CAMLG: variants seen among roughly 807,000 people sequenced by gnomAD.
CAMLG encodes calcium modulating ligand, also known as guided entry of tail-anchored proteins factor CAMLG.
Under a neutral mutation model 28.9 loss-of-function variants are expected in CAMLG, and 23 were observed. The ratio of observed to expected loss-of-function variants is 0.80; its 90% confidence interval spans 0.57 to 1.13. CAMLG has a LOEUF of 1.13. CAMLG is among the 50% of genes most tolerant of loss of function. CAMLG has a pLI of 0.00. For missense variants in CAMLG, 367 were observed against 371.9 expected (o/e 0.99, Z 0.11); for synonymous variants, 141 against 146.5 (o/e 0.96, Z 0.27).
chr5:134,741,524 G>A lies in CAMLG; in HGVS notation c.633+1G>A, dbSNP rs1335043728. ...CAGAGCTTTTGTTTGCAAATACTTG[G>A]TAAGAAAAGATCTGTAAATTATTAA... On this transcript the variant is annotated splice_donor_variant, in intron 2 of 3. Transcript: ENST00000297156. LOFTEE classifies it high-confidence loss of function. The A allele has an allele frequency of 6.4e-7, 1 of 1,570,264 alleles. No homozygotes were observed.
chr5:134,739,634 C>T (rs1752959950), intron 1 of CAMLG, among the ~76,000 whole-genome samples: 2 of 152,160 alleles, frequency 1.3e-5, no homozygotes, highest in African/African-American at 4.8e-5. Context: ...TAGTAATTGG[C>T]CTTTAGTCAC....
Position 134,738,792 on chromosome 5 carries a change from G to A in CAMLG, c.172G>A (p.Glu58Lys), listed in dbSNP as rs1483781908. 21 of 1,613,914 alleles carry A rather than the reference G, an allele frequency of 1.3e-5. No homozygotes were observed. The highest frequency in any genetic ancestry group is 2.2e-5 in the South Asian group (2 of 91,070). Residue 58 changes from glutamate (E) to lysine (K), a missense_variant and splice_region_variant, in exon 1 of 4, where the codon GAA becomes AAA. Physicochemically the swap from Glu to Lys is moderately conservative, Grantham distance 56 (BLOSUM62 1). Coordinates refer to ENST00000297156, the MANE Select transcript of CAMLG (RefSeq NM_001745.4). Reference protein sequence around the residue: ...MGFHRPGSGAEEESQTKSKQQ... With the variant: ...MGFHRPGSGAKEESQTKSKQQ... ...CTTTCACAGGCCCGGGAGCGGCGCG[G>A]GTAAGAGCCTCGATTTCCCCTCAGT...
At chr5:134,746,137 CAAAAAAAAAAAA>C (rs1156938843) in intron 3 of CAMLG, among the ~76,000 whole-genome samples, 1 of 77,136 alleles carries the variant, frequency 1.3e-5, no homozygotes, top group Non-Finnish European at 2.4e-5. Context: ...AACTCCATCT[CAAAAAAAAAAAA>C]AAAAAAAAAT....
At chr5:134,745,842 T>TA (rs1031251257) in intron 3 of CAMLG, among the ~76,000 whole-genome samples, 164 of 141,410 alleles carry the variant, frequency 1.2e-3, no homozygotes, top group African/African-American at 2.2e-3. Context: ...GTGACTACAT[T>TA]AAAAAAAAAA....
chr5:134,749,162 G>T (rs568492853), intron 3 of CAMLG, among the ~76,000 whole-genome samples: 2 of 151,604 alleles, frequency 1.3e-5, no homozygotes, highest in East Asian at 3.9e-4. Flanking sequence ...CTGCCTCCCA[G>T]ATTCAAGCAA....
intron 3 of CAMLG, among the ~76,000 whole-genome samples, chr5:134,745,329 G>C (rs901764404): frequency 6.6e-6 from 1 of 151,814 alleles, no homozygotes; most frequent in Non-Finnish European, 1.5e-5. Context: ...CCAGCTACTC[G>C]GGAGGCTGAG....
chr5:134,742,390 G>A (rs1752995748), intron 2 of CAMLG, among the ~76,000 whole-genome samples: 1 of 152,158 alleles, frequency 6.6e-6, no homozygotes, highest in Non-Finnish European at 1.5e-5. Flanking sequence ...AACCCTGGCA[G>A]TTTCAGTCCT....
rs1300627106 is a variant in CAMLG, at chr5:134,741,389, A to AT, written c.499_500insT (p.Lys167IlefsTer5). 1 of 1,614,064 alleles carries AT rather than the reference A, an allele frequency of 6.2e-7. No homozygotes were observed. Among genetic ancestry groups the AT allele is most frequent in the African/African-American group, 1.3e-5 (1 of 74,944 alleles). ...ATTCGAAGAAGCAATGAAGCTAAGG[A>AT]AACAGCTGATTAGTGAAAAACCCAG... is the stretch of plus-strand genomic sequence containing the variant. On this transcript the variant is annotated frameshift_variant, in exon 2 of 4. Coordinates refer to ENST00000297156, the MANE Select transcript of CAMLG (RefSeq NM_001745.4). LOFTEE classifies it high-confidence loss of function.
chr5:134,749,511 C>T (rs1472366249), intron 3 of CAMLG, among the ~76,000 whole-genome samples: 2 of 152,172 alleles, frequency 1.3e-5, no homozygotes, highest in African/African-American at 4.8e-5. Flanking sequence ...CAGAAGTATA[C>T]TGAATTGTTC....
Position 134,751,184 on chromosome 5 carries a change from G to T in CAMLG, c.*234G>T. ...CCAATGTCATTAATTGATTTTTCTT[G>T]TTAATCAGAATTCCTATTCTGTACC... is the stretch of plus-strand genomic sequence containing the variant. On this transcript the variant is annotated 3_prime_UTR_variant, in exon 4 of 4. Transcript: ENST00000297156. 2.7e-6 allele frequency: 1 copy of T among 372,896 alleles called. No homozygotes were observed. The highest frequency in any genetic ancestry group is 2.0e-5 in the African/African-American group (1 of 48,940). 23.1% of individuals were successfully genotyped at this position (372,896 alleles called of 1,614,324 possible). A position where few individuals can be genotyped will look rare whatever the true frequency, so the allele number is the denominator to read the frequency against.
intron 2 of CAMLG, among the ~76,000 whole-genome samples, chr5:134,741,807 G>A (rs921176474): frequency 1.3e-5 from 2 of 152,158 alleles, no homozygotes; most frequent in Non-Finnish European, 2.9e-5. Flanking sequence ...TTAGCCGGGC[G>A]TGGTGGTGCA....
intron 3 of CAMLG, among the ~76,000 whole-genome samples, chr5:134,747,021 G>GT (rs1273411768): frequency 6.6e-6 from 1 of 152,028 alleles, no homozygotes; most frequent in African/African-American, 2.4e-5. Context: ...GGTGGCAGAG[G>GT]TTTACAGTGA....
chr5:134,742,696 T>C (rs1752999230), intron 2 of CAMLG, among the ~76,000 whole-genome samples: 1 of 152,150 alleles, frequency 6.6e-6, no homozygotes, highest in South Asian at 2.1e-4. Flanking sequence ...ACCAGGCACA[T>C]AAATATCCAG....
chr5:134,747,529 G>A (rs1366506587), intron 3 of CAMLG, among the ~76,000 whole-genome samples: 3 of 151,944 alleles, frequency 2.0e-5, no homozygotes, highest in African/African-American at 7.3e-5. Context: ...TGTATTTTTA[G>A]TAGAGACGGG....
At chr5:134,741,813 G>C (rs1388867398) in intron 2 of CAMLG, among the ~76,000 whole-genome samples, 2 of 152,142 alleles carry the variant, frequency 1.3e-5, no homozygotes, top group Non-Finnish European at 2.9e-5. Flanking sequence ...GGGCGTGGTG[G>C]TGCACGCCTG....
chr5:134,741,004 A>C, intron 1 of CAMLG, 59 bp from the exon 2 acceptor site: 2 of 1,123,102 alleles, frequency 1.8e-6, no homozygotes, highest in Non-Finnish European at 2.7e-6. Flanking sequence ...AAACATAAAC[A>C]TGTAAGGTGT....
At chr5:134,746,666 G>A (rs1417474092) in intron 3 of CAMLG, among the ~76,000 whole-genome samples, 1 of 151,952 alleles carries the variant, frequency 6.6e-6, no homozygotes, top group East Asian at 1.9e-4. Flanking sequence ...TAGTAGAGAC[G>A]AGGTGTCACC....
intron 3 of CAMLG, among the ~76,000 whole-genome samples, chr5:134,746,552 G>A (rs1364266370): frequency 6.6e-6 from 1 of 152,066 alleles, no homozygotes. Flanking sequence ...CACGATCTCA[G>A]CTCACTGCAG....
intron 1 of CAMLG, among the ~76,000 whole-genome samples, chr5:134,739,084 C>T (rs181684216): frequency 1.1e-3 from 173 of 152,208 alleles, no homozygotes; most frequent in Non-Finnish European, 1.8e-3. Flanking sequence ...TTTTCCTTAG[C>T]CACTCCTCGC....
Sources: allele counts gnomAD v4.1 joint callset (sites outside exome capture counted in the v4.1 genomes callset), GRCh38; gene constraint gnomAD v4.1.1; transcripts MANE v1.5; gene names NCBI Gene and HGNC (gene_info 2026-07-23, HGNC 2026-07-21).